Variants in MYH14 observed in about 807,000 individuals in gnomAD.
MYH14 encodes myosin-14.
A neutral mutation model predicts 255.5 loss-of-function variants in MYH14; 123 were observed. The observed-to-expected ratio is 0.48, with a 90% CI of 0.42 to 0.56. The LOEUF (loss-of-function observed/expected upper bound fraction) is 0.56, where lower values mean the gene tolerates loss of function less well. MYH14 is among the 20% of genes least tolerant of loss of function. MYH14 has a pLI of 0.00. For synonymous variants in MYH14, 1,095 were observed against 1,161.2 expected, an observed-to-expected ratio of 0.94 and a Z score of 1.16; for missense variants, 2,423 against 2,802.3, an observed-to-expected ratio of 0.86 and a Z score of 3.06.
chr19:50,295,026 T>TAAAAAA (rs373838791), intron 39 of MYH14, among the ~76,000 whole-genome samples: 2,356 of 141,858 alleles, frequency 0.017, 57 homozygotes, highest in African/African-American at 0.05. Context: ...TTTTTTTTTT[T>TAAAAAA]AAAAACAGGC....
chr19:50,249,397 CCT>C, intron 13 of MYH14: 1 of 614,452 alleles, frequency 1.6e-6, no homozygotes, highest in East Asian at 2.8e-5. Context: ...GGGTCTCTGT[CCT>C]CTCTCTCTGC....
At chr19:50,217,819 G>A in intron 3 of MYH14, 48 bp downstream of exon 3, 1 of 1,594,882 alleles carries the variant, frequency 6.3e-7, no homozygotes, top group Non-Finnish European at 8.5e-7. Context: ...TCTTCAACGG[G>A]GGCCTGACCT....
At chr19:50,262,516 T>G (rs1470784327) in intron 21 of MYH14, among the ~76,000 whole-genome samples, 3 of 143,980 alleles carry the variant, frequency 2.1e-5, no homozygotes, top group Admixed American at 7.0e-5. Context: ...CCAGCCTGGG[T>G]GGCAGAGTGA....
At chr19:50,260,930 C>T (rs932780982) in intron 20 of MYH14, among the ~76,000 whole-genome samples, 1 of 151,062 alleles carries the variant, frequency 6.6e-6, no homozygotes, top group Non-Finnish European at 1.5e-5. Context: ...CCCAGGTGGT[C>T]GGGGAGTGGG....
chr19:50,301,636 ATCCT>A (rs753222741), intron 39 of MYH14, 21 bp from the exon 40 acceptor site: 4 of 1,595,848 alleles, frequency 2.5e-6, no homozygotes, highest in African/African-American at 1.3e-5. Context: ...CCACCATGAC[ATCCT>A]TCCTTCCCCT....
At chr19:50,240,817 A>AC (rs1008063200) in intron 10 of MYH14, among the ~76,000 whole-genome samples, 4 of 150,108 alleles carry the variant, frequency 2.7e-5, no homozygotes, top group Admixed American at 6.7e-5. Context: ...AGAAAAACAA[A>AC]CAAAAAAACC....
rs148013986 is a variant in MYH14, at chr19:50,243,552, C to T, written c.1115-690C>T. On this transcript the variant is annotated intron_variant, in intron 10 of 42. Coordinates refer to ENST00000642316, the MANE Select transcript of MYH14 (RefSeq NM_001145809.2). ...CTGAGGCAGGAGGATCACTTGAGCCCAAGAGGTCAAGGCTGCAGTGAGCTA... is the reference window on the plus strand; with the variant it reads ...CTGAGGCAGGAGGATCACTTGAGCCTAAGAGGTCAAGGCTGCAGTGAGCTA... Among the ~76,000 whole-genome samples, 274 of 152,308 alleles carry T rather than the reference C, an allele frequency of 1.8e-3. 23 individuals are homozygous for T. The East Asian group carries it at 0.05, about 28-fold the overall frequency.
intron 1 of MYH14, among the ~76,000 whole-genome samples, chr19:50,207,840 C>T (rs2031898928): frequency 6.6e-6 from 1 of 152,230 alleles, no homozygotes; most frequent in Non-Finnish European, 1.5e-5. Flanking sequence ...ACATCCCCTC[C>T]CACCCTCTGC....
intron 1 of MYH14, among the ~76,000 whole-genome samples, chr19:50,206,290 G>C (rs1305208624): frequency 6.6e-6 from 1 of 152,036 alleles, no homozygotes; most frequent in African/African-American, 2.4e-5. Flanking sequence ...CCTGGGGAAG[G>C]AAAGGGCTGG....
intron 21 of MYH14, among the ~76,000 whole-genome samples, chr19:50,263,070 C>T (rs187311036): frequency 2.0e-4 from 31 of 152,116 alleles, no homozygotes; most frequent in Non-Finnish European, 4.1e-4. Context: ...TGTTGTGGCA[C>T]GCACCTGTAA....
At chr19:50,286,394 T>C (rs1601026784) in intron 33 of MYH14, 88 bp from the exon 34 acceptor site, 1 of 1,241,240 alleles carries the variant, frequency 8.1e-7, no homozygotes, top group East Asian at 2.5e-5. Flanking sequence ...TCTCTTTCTC[T>C]GTTCCTGGCT....
At chr19:50,284,193 T>C (rs1287001631) in intron 33 of MYH14, among the ~76,000 whole-genome samples, 1 of 152,232 alleles carries the variant, frequency 6.6e-6, no homozygotes, top group African/African-American at 2.4e-5. Flanking sequence ...AGTCTGTGGC[T>C]TTTCTTTCCA....
chr19:50,268,664 G>T (rs2035184209), intron 24 of MYH14, among the ~76,000 whole-genome samples: 1 of 152,192 alleles, frequency 6.6e-6, no homozygotes, highest in Non-Finnish European at 1.5e-5. Context: ...AGGAATCCAA[G>T]TGATATCCTC....
chr19:50,275,119 ATCG>A (rs2035456739), intron 27 of MYH14, among the ~76,000 whole-genome samples: 1 of 152,122 alleles, frequency 6.6e-6, no homozygotes, highest in African/African-American at 2.4e-5. Context: ...GGGAGTGTTC[ATCG>A]TCATGTCCTC....
intron 35 of MYH14, among the ~76,000 whole-genome samples, chr19:50,290,648 A>G (rs1453043624): frequency 6.6e-6 from 1 of 152,002 alleles, no homozygotes; most frequent in Admixed American, 6.6e-5. Context: ...AGCTCTGGAG[A>G]CGTGTTGGAA....
At chr19:50,273,597 GGGGGGT>G (rs2035393740) in intron 27 of MYH14, among the ~76,000 whole-genome samples, 1 of 88,596 alleles carries the variant, frequency 1.1e-5, no homozygotes, top group Non-Finnish European at 2.2e-5. Context: ...GATGGAACAT[GGGGGGT>G]GTGTGTGTGT....
chr19:50,234,961 A>T lies in MYH14; in HGVS notation c.1114+2891A>T, dbSNP rs79894723. Among the ~76,000 whole-genome samples the T allele has an allele frequency of 7.9e-3, 1,202 of 152,312 alleles. 12 individuals carry two copies. The highest frequency in any genetic ancestry group is 0.026 in the African/African-American group (1,087 of 41,564). On this transcript the variant is annotated intron_variant, in intron 10 of 42. Transcript: ENST00000642316. ...CCTTCCAGAAATATTTTAAGAATAT[A>T]AGAAAAGACACATATTATTTGTCTA...
intron 7 of MYH14, among the ~76,000 whole-genome samples, 189 bp downstream of exon 7, chr19:50,225,866 G>C (rs1250672358): frequency 1.7e-5 from 2 of 117,988 alleles, no homozygotes; most frequent in Admixed American, 8.3e-5. Flanking sequence ...GGGGCTGGGG[G>C]CCTGGACTCT....
In MYH14 at chr19:50,249,654, A is replaced by G. The variant is rs565916072; in HGVS notation, c.1487A>G (p.Asn496Ser). 6.2e-7 allele frequency: 1 copy of G among 1,613,320 alleles called. No homozygotes were observed. The highest frequency in any genetic ancestry group is 2.2e-5 in the East Asian group (1 of 44,828). Residue 496 changes from asparagine (N) to serine (S), a missense_variant, in exon 14 of 43, where the codon AAC becomes AGC. Coordinates refer to ENST00000642316, the MANE Select transcript of MYH14 (RefSeq NM_001145809.2). ...DIAGFEIFQLNSFEQLCINYT... is the reference protein window; with the variant it reads ...DIAGFEIFQLSSFEQLCINYT... ...ACGTGTCCTGCGTCCCTGCAGCTGAACTCCTTCGAGCAGCTCTGCATCAAC... is the reference window on the plus strand; with the variant it reads ...ACGTGTCCTGCGTCCCTGCAGCTGAGCTCCTTCGAGCAGCTCTGCATCAAC...
Sources: gnomAD v4.1 joint callset for allele counts (sites outside exome capture counted in the v4.1 genomes callset) on GRCh38, gnomAD v4.1.1 for gene constraint, MANE v1.5 for transcripts, NCBI Gene and HGNC (gene_info 2026-07-23, HGNC 2026-07-21) for gene names.